Variants in ZDHHC14 observed in about 807,000 individuals in gnomAD.
ZDHHC14 encodes zDHHC palmitoyltransferase 14, also known as palmitoyltransferase ZDHHC14.
A neutral mutation model predicts 47.7 loss-of-function variants in ZDHHC14; 16 were observed. The observed-to-expected ratio is 0.34, with a 90% CI of 0.23 to 0.51. The LOEUF (loss-of-function observed/expected upper bound fraction) is 0.51. Ranked by LOEUF, ZDHHC14 falls within the 20% of genes least tolerant of loss-of-function variation. The pLI, the probability that ZDHHC14 is intolerant of heterozygous loss-of-function variation, is 0.97. For missense variants in ZDHHC14, 515 were observed against 662.5 expected (o/e 0.78, Z 2.44); for synonymous variants, 293 against 278.9 (o/e 1.05, Z -0.50).
chr6:157,451,707 CCCA>C (rs1279487982), intron 1 of ZDHHC14, among the ~76,000 whole-genome samples: 3 of 152,042 alleles, frequency 2.0e-5, no homozygotes, highest in Non-Finnish European at 4.4e-5. Context: ...ATTACAGGTG[CCCA>C]CCACCACACC....
At chr6:157,629,398 G>A (rs577529222) in intron 4 of ZDHHC14, 1 of 152,126 alleles carries the variant, frequency 6.6e-6, no homozygotes, top group Non-Finnish European at 1.5e-5. Context: ...GAATGTTTCC[G>A]TAAGTATCTG....
At chr6:157,490,795 G>A (rs1562446742) in intron 1 of ZDHHC14, among the ~76,000 whole-genome samples, 1 of 152,232 alleles carries the variant, frequency 6.6e-6, no homozygotes, top group South Asian at 2.1e-4. Context: ...AGATCTCAGG[G>A]CAGTAGTGAT....
At chr6:157,539,285 TC>T (rs1781659804) in intron 1 of ZDHHC14, among the ~76,000 whole-genome samples, 1 of 151,868 alleles carries the variant, frequency 6.6e-6, no homozygotes, top group Non-Finnish European at 1.5e-5. Flanking sequence ...GACCTGTAGT[TC>T]CAGCCACTCA....
At position 157,582,569 on chromosome 6, in the gene ZDHHC14, G is replaced by C. The variant is rs1025526816; in HGVS notation, c.407-10419G>C. Among the ~76,000 whole-genome samples, 1 of 152,178 alleles carries C rather than the reference G, an allele frequency of 6.6e-6. No individual in the cohort carries two copies. The highest frequency in any genetic ancestry group is 1.5e-5 in the Non-Finnish European group (1 of 68,024). On this transcript the variant is annotated intron_variant, in intron 2 of 8. Transcript: ENST00000359775. The surrounding 1 kb of genome is among the most constrained non-coding windows in gnomAD (Gnocchi z 4.3). ...TGCTGAATATAGCCTGATCTCTTCT[G>C]GCTTTTAGGGCTTCTGCTGAAAGAT...
intron 2 of ZDHHC14, among the ~76,000 whole-genome samples, chr6:157,543,651 A>G (rs1350941538): frequency 6.6e-6 from 1 of 152,176 alleles, no homozygotes; most frequent in Non-Finnish European, 1.5e-5. Context: ...TTCTGGTCCT[A>G]CCATTCCCCA....
chr6:157,459,910 TGCTAA>T lies in ZDHHC14; in HGVS notation c.245+77645_245+77649del, dbSNP rs1375168820. Among the ~76,000 whole-genome samples the T allele has an allele frequency of 2.0e-5, 3 of 150,802 alleles. No homozygotes were observed. In the East Asian group the frequency reaches 5.9e-4, roughly 30 times the overall value. ...GGCAACATAGCAAAAGCTCTGTCCC[TGCTAA>T]AAATTGAAAAATTAGGCCGGGCGTG... On this transcript the variant is annotated intron_variant, in intron 1 of 8. Coordinates refer to ENST00000359775, the MANE Select transcript of ZDHHC14 (RefSeq NM_024630.3).
intron 1 of ZDHHC14, among the ~76,000 whole-genome samples, chr6:157,386,228 C>T (rs913068550): frequency 1.8e-4 from 27 of 152,082 alleles, no homozygotes; most frequent in African/African-American, 5.1e-4. Flanking sequence ...AAAACCTGGC[C>T]GGGCACAGTG....
intron 1 of ZDHHC14, among the ~76,000 whole-genome samples, chr6:157,498,634 A>C (rs1358553905): frequency 6.6e-6 from 1 of 152,222 alleles, no homozygotes; most frequent in Non-Finnish European, 1.5e-5. Context: ...TGATCTCTTC[A>C]GTATCTTTGT....
chr6:157,583,413 C>A (rs1327820048), intron 2 of ZDHHC14, among the ~76,000 whole-genome samples: 2 of 151,952 alleles, frequency 1.3e-5, no homozygotes, highest in African/African-American at 4.8e-5. Context: ...TTCAGAGGAC[C>A]AAGGCTTTTT....
At chr6:157,590,873 A>G (rs1257865842) in intron 2 of ZDHHC14, among the ~76,000 whole-genome samples, 1 of 152,262 alleles carries the variant, frequency 6.6e-6, no homozygotes, top group African/African-American at 2.4e-5. Context: ...GCAAAGTCAT[A>G]GGGCGGAGCT....
At chr6:157,626,938 A>G (rs146506991) in intron 3 of ZDHHC14, among the ~76,000 whole-genome samples, 11 of 151,154 alleles carry the variant, frequency 7.3e-5, no homozygotes, top group Admixed American at 1.3e-4. Flanking sequence ...TGTAACTCAC[A>G]TGGGTAGGCT....
intron 2 of ZDHHC14, among the ~76,000 whole-genome samples, chr6:157,556,005 G>A (rs550959256): frequency 3.3e-5 from 5 of 152,274 alleles, no homozygotes; most frequent in African/African-American, 7.2e-5. Context: ...CACAAGACAC[G>A]CAGGCCATGA....
intron 3 of ZDHHC14, among the ~76,000 whole-genome samples, chr6:157,593,901 C>A (rs987680064): frequency 1.3e-5 from 2 of 152,210 alleles, no homozygotes; most frequent in African/African-American, 2.4e-5. Flanking sequence ...AAGGAGATGG[C>A]AGAACACCCA....
At chr6:157,434,235 T>TATATATATAA (rs1209354692) in intron 1 of ZDHHC14, among the ~76,000 whole-genome samples, 2 of 150,316 alleles carry the variant, frequency 1.3e-5, no homozygotes, top group African/African-American at 4.9e-5. Context: ...TATATATATA[T>TATATATATAA]AATTCTTTTA....
intron 2 of ZDHHC14, among the ~76,000 whole-genome samples, chr6:157,568,906 G>A (rs1331312069): frequency 1.3e-5 from 2 of 152,044 alleles, no homozygotes; most frequent in East Asian, 3.8e-4. Context: ...TGTGTGAGTT[G>A]CCTGTTCATC....
chr6:157,435,607 A>G (rs1778425461), intron 1 of ZDHHC14, among the ~76,000 whole-genome samples: 1 of 151,624 alleles, frequency 6.6e-6, no homozygotes, highest in African/African-American at 2.4e-5. Flanking sequence ...TGGTGCAATC[A>G]TGGCTCACTG....
intron 3 of ZDHHC14, among the ~76,000 whole-genome samples, chr6:157,621,785 A>T (rs1210872877): frequency 6.6e-6 from 1 of 152,132 alleles, no homozygotes; most frequent in African/African-American, 2.4e-5. Context: ...TTTCCCCTCA[A>T]TATTTCAGTG....
chr6:157,539,749 G>T (rs754803148), intron 1 of ZDHHC14, among the ~76,000 whole-genome samples: 2 of 152,176 alleles, frequency 1.3e-5, no homozygotes, highest in Non-Finnish European at 2.9e-5. Context: ...TACTTCACCT[G>T]CTTTATTCTC....
intron 2 of ZDHHC14, among the ~76,000 whole-genome samples, chr6:157,580,734 G>GTGT (rs1554269459): frequency 6.6e-6 from 1 of 151,342 alleles, no homozygotes; most frequent in African/African-American, 2.4e-5. Flanking sequence ...GTGTGTGTGT[G>GTGT]TTTTTTTCTT....
Sources: gnomAD v4.1 joint callset for allele counts (sites outside exome capture counted in the v4.1 genomes callset) on GRCh38, gnomAD v4.1.1 for gene constraint, Gnocchi (gnomAD v3.1) non-coding constraint, MANE v1.5 for transcripts, NCBI Gene and HGNC (gene_info 2026-07-23, HGNC 2026-07-21) for gene names.